ROBO2: variants seen among roughly 807,000 people sequenced by gnomAD.
The protein encoded by ROBO2 is roundabout guidance receptor 2.
Under a neutral mutation model 160.8 loss-of-function variants are expected in ROBO2, and 53 were observed. The observed-to-expected ratio is 0.33, with a 90% CI of 0.26 to 0.41. The LOEUF (loss-of-function observed/expected upper bound fraction) is 0.41, where lower values mean the gene tolerates loss of function less well. ROBO2 is among the 10% of genes least tolerant of loss of function. The pLI is 1.00. For missense variants in ROBO2, 1,577 were observed against 1,722.4 expected, an observed-to-expected ratio of 0.92 and a Z score of 1.49; for synonymous variants, 664 against 611.7, an observed-to-expected ratio of 1.09 and a Z score of -1.26.
Position 77,284,134 on chromosome 3 carries a change from T to C in ROBO2, c.388+185794T>C, listed in dbSNP as rs191107721. On this transcript the variant is annotated intron_variant, in intron 2 of 25. Coordinates refer to ENST00000461745, the Ensembl canonical transcript of ROBO2. ...GAAATAAGATTTTATTTTAGCACAGTCATACCCATTCAATTACTTATTGTC... is the reference window on the plus strand; with the variant it reads ...GAAATAAGATTTTATTTTAGCACAGCCATACCCATTCAATTACTTATTGTC... Among the ~76,000 whole-genome samples the C allele has an allele frequency of 2.1e-3, 315 of 152,288 alleles. 1 individual carries two copies. The highest frequency in any genetic ancestry group is 3.5e-3 in the Non-Finnish European group (238 of 68,014).
chr3:76,858,778 G>C (rs1247523672), intron 2 of ROBO2, among the ~76,000 whole-genome samples: 1 of 152,190 alleles, frequency 6.6e-6, no homozygotes, highest in African/African-American at 2.4e-5. Context: ...AATTGAAGCT[G>C]TCACCACTAT....
intron 11 of ROBO2, among the ~76,000 whole-genome samples, chr3:77,563,598 C>T (rs2093397811): frequency 6.6e-6 from 1 of 152,038 alleles, no homozygotes; most frequent in African/African-American, 2.4e-5. Context: ...TTTACCCAGA[C>T]CATTGTAGGG....
At chr3:75,906,853 G>C (rs957958952) in exon 1 of ROBO2, 6 of 152,294 alleles carry the variant, frequency 3.9e-5, no homozygotes, top group African/African-American at 1.4e-4. Flanking sequence ...GGTCCGGGGG[G>C]AGCTGTTCCG....
At chr3:76,307,116 C>T (rs1251470146) in intron 2 of ROBO2, among the ~76,000 whole-genome samples, 1 of 152,256 alleles carries the variant, frequency 6.6e-6, no homozygotes, top group Non-Finnish European at 1.5e-5. Context: ...GCCACACTGC[C>T]TTCCTGGCAG....
intron 2 of ROBO2, among the ~76,000 whole-genome samples, chr3:77,362,478 T>C (rs900077354): frequency 6.6e-6 from 1 of 152,102 alleles, no homozygotes; most frequent in Non-Finnish European, 1.5e-5. Flanking sequence ...TGCTCATATA[T>C]TGAGAGTGAT....
intron 17 of ROBO2, among the ~76,000 whole-genome samples, chr3:77,594,038 G>A (rs756863530): frequency 2.0e-5 from 3 of 152,040 alleles, no homozygotes; most frequent in African/African-American, 7.2e-5. Context: ...CAGAATTGCA[G>A]GTTTATTGCA....
intron 2 of ROBO2, among the ~76,000 whole-genome samples, chr3:76,173,028 C>T (rs945790698): frequency 1.5e-4 from 23 of 151,858 alleles, no homozygotes; most frequent in Non-Finnish European, 1.5e-4. Context: ...CTGACCCCAA[C>T]TATGTAAAAT....
intron 2 of ROBO2, among the ~76,000 whole-genome samples, chr3:76,813,251 T>C (rs1167692689): frequency 6.6e-6 from 1 of 152,076 alleles, no homozygotes; most frequent in Non-Finnish European, 1.5e-5. Flanking sequence ...TTTTTGAAAC[T>C]TTAACCTTCA....
At chr3:76,589,753 T>A (rs1194587348) in intron 2 of ROBO2, among the ~76,000 whole-genome samples, 2 of 152,116 alleles carry the variant, frequency 1.3e-5, no homozygotes, top group African/African-American at 4.8e-5. Flanking sequence ...TATTCAGTAA[T>A]AAATCCAAAT....
chr3:76,185,551 C>T lies in ROBO2; in HGVS notation c.109+247949C>T, dbSNP rs142143565. Among the ~76,000 whole-genome samples, 488 of 151,838 alleles carry T rather than the reference C, an allele frequency of 3.2e-3. 3 individuals carry two copies. Among genetic ancestry groups the T allele is most frequent in the African/African-American group, 0.011 (462 of 41,408 alleles). ...GAGAAAACCGTTGTGAGAACAGGACCCAGGTGGCATGACTGCTGCCCAAAT... is the reference window on the plus strand; with the variant it reads ...GAGAAAACCGTTGTGAGAACAGGACTCAGGTGGCATGACTGCTGCCCAAAT... On this transcript the variant is annotated intron_variant, in intron 2 of 26. Transcript: ENST00000487694.
chr3:76,552,387 G>T (rs935594553), intron 2 of ROBO2, among the ~76,000 whole-genome samples: 1 of 152,064 alleles, frequency 6.6e-6, no homozygotes, highest in Non-Finnish European at 1.5e-5. Flanking sequence ...CATTTATTCT[G>T]GCCCTTAAAC....
chr3:76,867,794 G>A (rs2148657851), intron 2 of ROBO2, among the ~76,000 whole-genome samples: 1 of 152,274 alleles, frequency 6.6e-6, no homozygotes, highest in South Asian at 2.1e-4. Flanking sequence ...TGAGCCTTGG[G>A]AAAGGGAAAG....
chr3:77,503,456 A>G (rs957552268), intron 5 of ROBO2, among the ~76,000 whole-genome samples: 10 of 151,104 alleles, frequency 6.6e-5, no homozygotes, highest in South Asian at 2.1e-4. Context: ...CCCGGGAGGC[A>G]GAGCTTGCAG....
intron 6 of ROBO2, among the ~76,000 whole-genome samples, chr3:77,543,623 T>C (rs1273683981): frequency 6.6e-6 from 1 of 152,210 alleles, no homozygotes; most frequent in East Asian, 1.9e-4. Flanking sequence ...GTGATAGAGA[T>C]TTGTAATTTT....
chr3:77,616,755 CT>C (rs1381605514), intron 21 of ROBO2, among the ~76,000 whole-genome samples: 2 of 152,028 alleles, frequency 1.3e-5, no homozygotes, highest in African/African-American at 4.8e-5. Context: ...ATGGTTAAAA[CT>C]TTTTGGATTA....
intron 2 of ROBO2, among the ~76,000 whole-genome samples, chr3:77,318,595 G>A (rs1393309448): frequency 6.6e-6 from 1 of 152,172 alleles, no homozygotes; most frequent in Non-Finnish European, 1.5e-5. Context: ...TAAAACTGAA[G>A]TTGGTTCAAA....
At chr3:76,717,901 A>G (rs1456357159) in intron 2 of ROBO2, among the ~76,000 whole-genome samples, 1 of 151,916 alleles carries the variant, frequency 6.6e-6, no homozygotes, top group Non-Finnish European at 1.5e-5. Context: ...GAAACTCATT[A>G]GATATTATTT....
chr3:76,269,251 T>A (rs2107620196), intron 2 of ROBO2, among the ~76,000 whole-genome samples: 1 of 152,100 alleles, frequency 6.6e-6, no homozygotes, highest in East Asian at 1.9e-4. Flanking sequence ...ACACATTGTA[T>A]GCCTGGATCA....
intron 1 of ROBO2, among the ~76,000 whole-genome samples, chr3:75,909,216 T>C (rs560072107): frequency 6.3e-4 from 96 of 152,282 alleles, no homozygotes; most frequent in African/African-American, 2.3e-3. Flanking sequence ...ACAGCCTTTT[T>C]CCTCCTTTTC....
Sources: gnomAD v4.1 joint callset for allele counts (sites outside exome capture counted in the v4.1 genomes callset) on GRCh38, gnomAD v4.1.1 for gene constraint, MANE v1.5 for transcripts, NCBI Gene and HGNC (gene_info 2026-07-23, HGNC 2026-07-21) for gene names.